Variants in EHMT1 observed in about 807,000 individuals in gnomAD.
EHMT1 encodes histone-lysine N-methyltransferase EHMT1.
A neutral mutation model predicts 147.2 loss-of-function variants in EHMT1; 15 were observed. The observed-to-expected ratio is 0.10, with a 90% CI of 0.07 to 0.16. The LOEUF (loss-of-function observed/expected upper bound fraction) is 0.16, where lower values mean the gene tolerates loss of function less well. Among genes scored for constraint, EHMT1 ranks in the 10% least tolerant of loss-of-function variants. EHMT1 has a pLI of 1.00. For synonymous variants in EHMT1, 795 were observed against 709.6 expected (o/e 1.12, Z -1.91); for missense variants, 1,587 against 1,772.4 (o/e 0.90, Z 1.88).
chr9:137,814,328 A>T, intron 21 of EHMT1, 103 bp from the exon 22 acceptor site: 1 of 1,272,398 alleles, frequency 7.9e-7, no homozygotes, highest in Non-Finnish European at 1.1e-6. Flanking sequence ...AGAAGCACTT[A>T]CCAGAATCAG....
At position 137,828,032 on chromosome 9, in the gene EHMT1, G is replaced by A. The variant is rs530525995; in HGVS notation, c.3541-6317G>A. On this transcript the variant is annotated intron_variant, in intron 25 of 26. Transcript: ENST00000460843. The surrounding 1 kb of genome is among the most constrained non-coding windows in gnomAD (Gnocchi z 5.3). ...CTCCTTGTGCCAGCCGACAGGGTGC[G>A]ACGGGGTGGTCGGCCCGGCTGCCAT... 1.2e-4 allele frequency among the ~76,000 whole-genome samples: 18 copies of A among 152,298 alleles called. No homozygotes were observed. The South Asian group carries it at 3.5e-3, about 30-fold the overall frequency.
At chr9:137,826,163 C>T (rs1044328043) in intron 25 of EHMT1, among the ~76,000 whole-genome samples, 7 of 151,338 alleles carry the variant, frequency 4.6e-5, no homozygotes, top group South Asian at 2.1e-4. Flanking sequence ...GTGGGTGGGG[C>T]GGTGTGTTCC....
In EHMT1 at chr9:137,757,135, A is replaced by G. The variant is rs184827796; in HGVS notation, c.1370-745A>G. 5.9e-5 allele frequency among the ~76,000 whole-genome samples: 9 copies of G among 152,270 alleles called. No individual in the cohort carries two copies. In the East Asian group the frequency reaches 1.7e-3, roughly 29 times the overall value. ...CTTGTGATTACAAACACCCAATTTT[A>G]TATATCTTTCTCCGGCCCTCCTGGG... On this transcript the variant is annotated intron_variant, in intron 8 of 26. Coordinates refer to ENST00000460843, the MANE Select transcript of EHMT1 (RefSeq NM_024757.5).
At chr9:137,624,544 G>C (rs927798159) in intron 1 of EHMT1, among the ~76,000 whole-genome samples, 42 of 152,240 alleles carry the variant, frequency 2.8e-4, no homozygotes, top group African/African-American at 9.9e-4. Flanking sequence ...TCGAACTCCT[G>C]ACCTCAAGTA....
chr9:137,783,434 C>A (rs1951717462), intron 15 of EHMT1, among the ~76,000 whole-genome samples: 2 of 152,206 alleles, frequency 1.3e-5, no homozygotes, highest in Admixed American at 1.3e-4. Context: ...TAGATAGTTC[C>A]TCTTTCAGTA....
chr9:137,668,266 T>C (rs1473042384), intron 1 of EHMT1, among the ~76,000 whole-genome samples: 1 of 152,050 alleles, frequency 6.6e-6, no homozygotes, highest in Non-Finnish European at 1.5e-5. Context: ...CCTTGCTTCC[T>C]TCTCCTCCTG....
At chr9:137,753,694 T>G (rs1204149310) in intron 7 of EHMT1, among the ~76,000 whole-genome samples, 1 of 152,276 alleles carries the variant, frequency 6.6e-6, no homozygotes, top group East Asian at 1.9e-4. Context: ...ATCCGGATTT[T>G]AGAAGCAGAT....
intron 6 of EHMT1, among the ~76,000 whole-genome samples, chr9:137,751,011 T>C (rs943983935): frequency 2.0e-5 from 3 of 152,254 alleles, no homozygotes; most frequent in Non-Finnish European, 2.9e-5. Flanking sequence ...ACAGTGGTGC[T>C]TGCTGCACAA....
chr9:137,710,829 G>A, intron 1 of EHMT1, 138 bp from the exon 2 acceptor site: 1 of 869,720 alleles, frequency 1.1e-6, no homozygotes, highest in East Asian at 2.8e-5. Context: ...GTAACCAGCT[G>A]GCAGGAGTAA....
At chr9:137,819,652 AGG>A (rs34202822) in intron 25 of EHMT1, among the ~76,000 whole-genome samples, 2,602 of 88,094 alleles carry the variant, frequency 0.03, 231 homozygotes, top group Middle Eastern at 0.048. Flanking sequence ...AGAGAGGCTG[AGG>A]GGGGGGGCGC....
At chr9:137,771,857 A>C (rs889321471) in intron 10 of EHMT1, among the ~76,000 whole-genome samples, 1 of 152,158 alleles carries the variant, frequency 6.6e-6, no homozygotes, top group South Asian at 2.1e-4. Context: ...GGGGACCCCA[A>C]CTTGGAGGCT....
At chr9:137,694,647 A>G (rs1476294748) in intron 1 of EHMT1, among the ~76,000 whole-genome samples, 2 of 152,174 alleles carry the variant, frequency 1.3e-5, no homozygotes, top group Non-Finnish European at 2.9e-5. Flanking sequence ...AGAGGCTGTA[A>G]GTCTCCACAG....
At chr9:137,619,510 C>T (rs1033201958) in intron 1 of EHMT1, among the ~76,000 whole-genome samples, 7 of 152,118 alleles carry the variant, frequency 4.6e-5, no homozygotes, top group Admixed American at 3.3e-4. Flanking sequence ...CGGAGCTCTT[C>T]CTTCGCTTCG....
Position 137,716,994 on chromosome 9 carries a change from G to T in EHMT1, c.454G>T (p.Ala152Ser), listed in dbSNP as rs370834767. The T allele has an allele frequency of 1.9e-6, 3 of 1,608,086 alleles. No homozygotes were observed. Among genetic ancestry groups the T allele is most frequent in the Non-Finnish European group, 2.6e-6 (3 of 1,176,236 alleles). ...GGCCTCTTCGCTGCCTGGCCATGCT[G>T]CAAAAACCCTTCCTGGAGGGGCTGG... is the stretch of plus-strand genomic sequence containing the variant. ...TLASSLPGHA[A>S]KTLPGGAGKG... Residue 152 changes from alanine to serine, a missense_variant, in exon 3 of 27, where the codon GCA becomes TCA. Ala to Ser is a moderately conservative substitution (Grantham distance 99, BLOSUM62 1). This residue lies in a region of EHMT1 where 810 missense variants were observed against 673.0 expected (regional missense o/e 1.20). Coordinates refer to ENST00000460843, the MANE Select transcript of EHMT1 (RefSeq NM_024757.5).
At chr9:137,807,680 G>A (rs903381830) in intron 18 of EHMT1, among the ~76,000 whole-genome samples, 1 of 151,918 alleles carries the variant, frequency 6.6e-6, no homozygotes, top group Admixed American at 6.6e-5. Context: ...GCTAAGTTTT[G>A]TATTTTTAGT....
At chr9:137,807,785 A>G (rs1414467293) in intron 18 of EHMT1, among the ~76,000 whole-genome samples, 6 of 152,254 alleles carry the variant, frequency 3.9e-5, no homozygotes, top group African/African-American at 1.4e-4. Context: ...TGGGATTACA[A>G]GTGTGAGCCA....
intron 1 of EHMT1, among the ~76,000 whole-genome samples, chr9:137,670,476 A>C (rs897305082): frequency 6.6e-6 from 1 of 150,984 alleles, no homozygotes; most frequent in African/African-American, 2.4e-5. Flanking sequence ...CAGCCTCTGG[A>C]CTCTGGTGTC....
chr9:137,626,668 C>T lies in EHMT1; in HGVS notation c.21+7619C>T, dbSNP rs551227199. ...GTCTCATTGTCTTTGGCCATTTTGC[C>T]GTGTTGCGAATAAAGCACTCACCAT... On this transcript the variant is annotated intron_variant, in intron 1 of 26. Coordinates refer to ENST00000460843, the MANE Select transcript of EHMT1 (RefSeq NM_024757.5). 8.6e-5 allele frequency among the ~76,000 whole-genome samples: 13 copies of T among 152,044 alleles called. No homozygotes were observed. The South Asian group carries it at 1.0e-3, about 12-fold the overall frequency.
chr9:137,663,926 C>T (rs932226873), intron 1 of EHMT1, among the ~76,000 whole-genome samples: 37 of 152,152 alleles, frequency 2.4e-4, no homozygotes, highest in Admixed American at 2.4e-3. Context: ...ATTATATGTA[C>T]TGTGTATTAT....
Sources: gnomAD v4.1 joint callset for allele counts (sites outside exome capture counted in the v4.1 genomes callset) on GRCh38, gnomAD v4.1.1 for gene constraint, gnomAD v4.1.1 regional missense constraint, Gnocchi (gnomAD v3.1) non-coding constraint, MANE v1.5 for transcripts, NCBI Gene and HGNC (gene_info 2026-07-23, HGNC 2026-07-21) for gene names.